Variants in DIP2C observed in about 807,000 individuals in gnomAD.
DIP2C encodes the protein disco-interacting protein 2 homolog C.
DIP2C carries 33 observed loss-of-function variants against 192.4 expected under a neutral mutation model. That is an observed-to-expected ratio of 0.17 (90% CI 0.13 to 0.23). The LOEUF (loss-of-function observed/expected upper bound fraction) is 0.23, where lower values mean the gene tolerates loss of function less well. Among genes scored for constraint, DIP2C ranks in the 10% least tolerant of loss-of-function variants. The pLI, the probability that DIP2C is intolerant of heterozygous loss-of-function variation, is 1.00. For synonymous variants in DIP2C, 979 were observed against 864.1 expected (o/e 1.13, Z -2.33); for missense variants, 1,537 against 2,110.1 (o/e 0.73, Z 5.32).
chr10:602,860 G>A (rs1192511122), intron 1 of DIP2C, among the ~76,000 whole-genome samples: 2 of 152,260 alleles, frequency 1.3e-5, no homozygotes, highest in East Asian at 3.9e-4. Flanking sequence ...CTACAGGGTG[G>A]GTGAGGCCGG....
At chr10:278,955 T>C (rs1954668172) in intron 36 of DIP2C, among the ~76,000 whole-genome samples, 1 of 152,162 alleles carries the variant, frequency 6.6e-6, no homozygotes, top group African/African-American at 2.4e-5. Context: ...CTGACAAACA[T>C]GTTCTATCCC....
intron 17 of DIP2C, 169 bp downstream of exon 17, chr10:382,478 C>G (rs977393881): frequency 2.1e-5 from 12 of 585,230 alleles, no homozygotes; most frequent in Non-Finnish European, 3.3e-5. Context: ...CTAGGCTGTT[C>G]AAAAGAATCT....
At chr10:460,850 G>T (rs192921753) in intron 3 of DIP2C, among the ~76,000 whole-genome samples, 2 of 152,150 alleles carry the variant, frequency 1.3e-5, no homozygotes, top group African/African-American at 4.8e-5. Context: ...GACTAACAGC[G>T]GATCTCTCTG....
chr10:635,508 C>T (rs1322553086), intron 1 of DIP2C, among the ~76,000 whole-genome samples: 1 of 152,216 alleles, frequency 6.6e-6, no homozygotes, highest in Non-Finnish European at 1.5e-5. Flanking sequence ...GTCTCTGGGG[C>T]GTTGAGGGCC....
At chr10:668,359 CTG>C (rs1857241523) in intron 1 of DIP2C, 1 of 152,076 alleles carries the variant, frequency 6.6e-6, no homozygotes, top group Non-Finnish European at 1.5e-5. Flanking sequence ...ACACACAACA[CTG>C]ATACAACATA....
At chr10:603,205 G>T (rs981142622) in intron 1 of DIP2C, among the ~76,000 whole-genome samples, 6 of 148,404 alleles carry the variant, frequency 4.0e-5, no homozygotes, top group African/African-American at 1.5e-4. Flanking sequence ...GGCTGAGGCA[G>T]GAGAATCACT....
chr10:633,453 T>C (rs1183282409), intron 1 of DIP2C, among the ~76,000 whole-genome samples: 4 of 151,696 alleles, frequency 2.6e-5, no homozygotes, highest in Admixed American at 2.6e-4. Flanking sequence ...GAGTCCGAGG[T>C]GGTGCCGTAG....
At chr10:685,125 A>C (rs1299289962) in intron 1 of DIP2C, among the ~76,000 whole-genome samples, 22 of 124,820 alleles carry the variant, frequency 1.8e-4, no homozygotes, top group Non-Finnish European at 8.2e-5. Flanking sequence ...CAAGAGTGAA[A>C]CTTGGTCCCC....
chr10:424,978 AAT>A (rs2133181189), intron 4 of DIP2C, among the ~76,000 whole-genome samples: 1 of 142,596 alleles, frequency 7.0e-6, no homozygotes, highest in East Asian at 2.1e-4. Flanking sequence ...AGCAGTGACT[AAT>A]ACGACACGGA....
intron 3 of DIP2C, among the ~76,000 whole-genome samples, chr10:444,346 T>C (rs577899479): frequency 8.5e-6 from 1 of 117,500 alleles, no homozygotes; most frequent in African/African-American, 7.0e-5. Flanking sequence ...CACCGTCACA[T>C]GGAGCCCACG....
chr10:377,946 A>C (rs1167457005), intron 17 of DIP2C, among the ~76,000 whole-genome samples: 1 of 152,208 alleles, frequency 6.6e-6, no homozygotes, highest in Non-Finnish European at 1.5e-5. Context: ...TATGTTTTTC[A>C]GTTCAATAAA....
chr10:353,059 G>A (rs1484304145), intron 24 of DIP2C, among the ~76,000 whole-genome samples: 5 of 152,042 alleles, frequency 3.3e-5, no homozygotes, highest in Admixed American at 2.0e-4. Context: ...TGGGGTTTCC[G>A]TCCTGAAACC....
chr10:575,182 T>C (rs1588494245), intron 1 of DIP2C, among the ~76,000 whole-genome samples: 1 of 152,224 alleles, frequency 6.6e-6, no homozygotes, highest in South Asian at 2.1e-4. Flanking sequence ...AGGGCATGAT[T>C]CCATGCTAAT....
chr10:524,209 C>A (rs1190834675), intron 1 of DIP2C, among the ~76,000 whole-genome samples: 1 of 152,180 alleles, frequency 6.6e-6, no homozygotes, highest in African/African-American at 2.4e-5. Flanking sequence ...GAGCTCCAGG[C>A]AATCCTGGCA....
At chr10:669,531 G>A (rs1857314396) in intron 1 of DIP2C, 1 of 152,258 alleles carries the variant, frequency 6.6e-6, no homozygotes, top group Admixed American at 6.5e-5. Flanking sequence ...AATTCACAAT[G>A]TAGAGTGATG....
intron 1 of DIP2C, among the ~76,000 whole-genome samples, chr10:507,097 A>G (rs1267503325): frequency 2.0e-5 from 3 of 149,090 alleles, no homozygotes; most frequent in East Asian, 2.0e-4. Flanking sequence ...CCCGCTGTGC[A>G]CGATGAGAGG....
At chr10:385,880 C>T (rs547245571) in intron 14 of DIP2C, among the ~76,000 whole-genome samples, 1 of 152,290 alleles carries the variant, frequency 6.6e-6, no homozygotes, top group East Asian at 1.9e-4. Flanking sequence ...CATGTGCCTT[C>T]ACTCCCCAGA....
At position 399,163 on chromosome 10, in the gene DIP2C, G is replaced by A; in HGVS notation, c.1206C>T (p.Gly402=). ...DPAAFMAAFY[G]CLLAEVVPVP... ...CGGGGACCACCTCGGCCAGCAGGCA[G>A]CCGTAGAAAGCCGCCATGAAGGCAG... Residue 402 remains glycine, a synonymous_variant, in exon 10 of 37, where the codon GGC becomes GGT. Transcript: ENST00000280886. 1 of 1,614,032 alleles carries A rather than the reference G, an allele frequency of 6.2e-7. No homozygotes were observed. The highest frequency in any genetic ancestry group is 8.5e-7 in the Non-Finnish European group (1 of 1,180,032).
At chr10:398,568 T>C (rs376532345) in intron 10 of DIP2C, among the ~76,000 whole-genome samples, 3 of 152,260 alleles carry the variant, frequency 2.0e-5, no homozygotes, top group Non-Finnish European at 4.4e-5. Flanking sequence ...GGCTGTGGCA[T>C]GGCCACGTCC....
Sources: allele counts gnomAD v4.1 joint callset (sites outside exome capture counted in the v4.1 genomes callset), GRCh38; gene constraint gnomAD v4.1.1; transcripts MANE v1.5; gene names NCBI Gene and HGNC (gene_info 2026-07-23, HGNC 2026-07-21).